CSMD2: variants seen among roughly 807,000 people sequenced by gnomAD.
CSMD2 encodes the protein CUB and Sushi multiple domains 2.
CSMD2 carries 130 observed loss-of-function variants against 398.5 expected under a neutral mutation model. The ratio of observed to expected loss-of-function variants is 0.33; its 90% CI spans 0.28 to 0.38. The LOEUF is 0.38. CSMD2 is among the 10% of genes least tolerant of loss of function. The probability of loss-of-function intolerance (pLI) is 1.00; values close to 1 mark genes in which losing one functional copy is unlikely to be tolerated. For synonymous variants in CSMD2, 1,828 were observed against 1,908.5 expected (o/e 0.96, Z 1.10); for missense variants, 3,829 against 4,764.9 (o/e 0.80, Z 5.78).
At chr1:33,693,204 G>A in intron 24 of CSMD2, 148 bp from the exon 25 acceptor site, 2 of 885,576 alleles carry the variant, frequency 2.3e-6, no homozygotes, top group South Asian at 2.2e-5. Context: ...AAAGGTCTCT[G>A]GATGAGACTT....
intron 12 of CSMD2, among the ~76,000 whole-genome samples, chr1:33,781,293 C>G (rs977350332): frequency 1.3e-5 from 2 of 152,252 alleles, no homozygotes. Context: ...TTTCAGACAT[C>G]ACCTCCTCCA....
At chr1:33,701,527 G>C (rs1645612623) in intron 22 of CSMD2, among the ~76,000 whole-genome samples, 2 of 152,232 alleles carry the variant, frequency 1.3e-5, no homozygotes, top group Admixed American at 1.3e-4. Context: ...AGTGGGTGAT[G>C]AATATTTGTG....
chr1:34,037,668 A>C (rs1651317883), intron 2 of CSMD2, among the ~76,000 whole-genome samples: 1 of 152,134 alleles, frequency 6.6e-6, no homozygotes, highest in Non-Finnish European at 1.5e-5. Flanking sequence ...CACTCAGCCT[A>C]GGGACCATCC....
chr1:33,546,198 C>T lies in CSMD2; in HGVS notation c.8939G>A (p.Gly2980Asp), dbSNP rs763256097. 6.2e-7 allele frequency: 1 copy of T among 1,613,912 alleles called. No homozygotes were observed. Among genetic ancestry groups the T allele is most frequent in the South Asian group, 1.1e-5 (1 of 91,072 alleles). Residue 2980 changes from glycine to aspartate, a missense_variant, in exon 57 of 71, where the codon GGT (glycine) becomes GAT (aspartate). Coordinates refer to ENST00000373381, the MANE Select transcript of CSMD2 (RefSeq NM_001281956.2). ...HCSGTSVGVC[G>D]DPGIPAHGIR... is the part of the protein sequence containing the mutation. ...GCCATGAGCCGGGATCCCAGGGTCA[C>T]CGCAAACTCCCACGCTGGTTCCTAT...
chr1:33,825,922 G>C (rs1658755799), intron 6 of CSMD2, 148 bp from the exon 7 acceptor site: 1 of 643,090 alleles, frequency 1.6e-6, no homozygotes, highest in African/African-American at 1.8e-5. Flanking sequence ...TCCAAGGGTA[G>C]TGGTCAAGGG....
At chr1:33,703,665 G>A (rs766944896) in intron 22 of CSMD2, among the ~76,000 whole-genome samples, 2 of 152,190 alleles carry the variant, frequency 1.3e-5, no homozygotes, top group South Asian at 2.1e-4. Flanking sequence ...GCTTGCACAC[G>A]TGTGCTTGAG....
At chr1:34,117,669 A>T (rs898181905) in intron 1 of CSMD2, among the ~76,000 whole-genome samples, 1 of 152,156 alleles carries the variant, frequency 6.6e-6, no homozygotes, top group Non-Finnish European at 1.5e-5. Context: ...GAAAACAAAC[A>T]AACAAAAACT....
At chr1:33,555,752 T>A (rs1657901247) in intron 55 of CSMD2, among the ~76,000 whole-genome samples, 1 of 152,256 alleles carries the variant, frequency 6.6e-6, no homozygotes, top group Non-Finnish European at 1.5e-5. Flanking sequence ...GTATTTTTAA[T>A]TAAGGTGTGC....
intron 1 of CSMD2, among the ~76,000 whole-genome samples, chr1:34,139,852 C>T (rs1279579350): frequency 6.6e-6 from 1 of 152,194 alleles, no homozygotes; most frequent in African/African-American, 2.4e-5. Flanking sequence ...GGCATCCCTC[C>T]TAAAGCTGTG....
intron 32 of CSMD2, among the ~76,000 whole-genome samples, chr1:33,632,582 A>C (rs1031158958): frequency 6.6e-6 from 1 of 152,128 alleles, no homozygotes; most frequent in South Asian, 2.1e-4. Context: ...CAAACTGATG[A>C]CGCTTTTGTT....
chr1:33,730,180 T>C (rs909701290), intron 15 of CSMD2, among the ~76,000 whole-genome samples: 2 of 152,198 alleles, frequency 1.3e-5, no homozygotes, highest in Non-Finnish European at 2.9e-5. Context: ...CCAGACTATG[T>C]TGTTAAGTGA....
At chr1:33,908,749 C>T (rs1396014009) in intron 5 of CSMD2, among the ~76,000 whole-genome samples, 1 of 152,236 alleles carries the variant, frequency 6.6e-6, no homozygotes, top group Admixed American at 6.5e-5. Context: ...GAGCCCTGGC[C>T]TTCACTCCTC....
Position 33,633,526 on chromosome 1 carries a change from C to T in CSMD2, c.5096G>A (p.Gly1699Asp). ...VTVPKDYVVF[G>D]QFAFFHTALN... Reference sequence around the variant, plus strand: ...GGCCGTGTGAAAGAAGGCGAACTGGCCAAACACCACTGTGGAGGAGACACA... The same window carrying T: ...GGCCGTGTGAAAGAAGGCGAACTGGTCAAACACCACTGTGGAGGAGACACA... Residue 1699 changes from glycine to aspartate, a missense_variant, in exon 32 of 71, where the codon GGC becomes GAC. Physicochemically the swap from Gly to Asp is moderately conservative, Grantham distance 94. This residue lies in a region of CSMD2 where 2,001 missense variants were observed against 2,567.1 expected (regional missense o/e 0.78). Transcript: ENST00000373381. The surrounding 1 kb of genome is among the most constrained non-coding windows in gnomAD (Gnocchi z 5.0). The T allele has an allele frequency of 6.4e-7, 1 of 1,552,122 alleles. No homozygotes were observed. The highest frequency in any genetic ancestry group is 8.7e-7 in the Non-Finnish European group (1 of 1,147,048).
intron 2 of CSMD2, among the ~76,000 whole-genome samples, chr1:34,068,439 T>G (rs1655358840): frequency 6.6e-6 from 1 of 152,230 alleles, no homozygotes; most frequent in Non-Finnish European, 1.5e-5. Flanking sequence ...ATTAAAAAAT[T>G]ATTCATAATC....
chr1:34,147,311 A>G (rs1639866863), intron 1 of CSMD2, among the ~76,000 whole-genome samples: 1 of 152,172 alleles, frequency 6.6e-6, no homozygotes, highest in Admixed American at 6.5e-5. Context: ...GAGAAGGTCA[A>G]GGCAAATGCT....
At position 33,553,066 on chromosome 1, in the gene CSMD2, T is replaced by TA. The variant is rs1262426541; in HGVS notation, c.8744-2717dup. Reference sequence around the variant, plus strand: ...TAGAGAGCAGTTAAAAATAAAATGATAAAAAAATCATGCCAATACTAAAAG... The same window carrying TA: ...TAGAGAGCAGTTAAAAATAAAATGATAAAAAAAATCATGCCAATACTAAAAG... On this transcript the variant is annotated intron_variant, in intron 55 of 70. Coordinates refer to ENST00000373381, the MANE Select transcript of CSMD2 (RefSeq NM_001281956.2). Among the ~76,000 whole-genome samples, 40 of 152,248 alleles carry TA rather than the reference T, an allele frequency of 2.6e-4. No homozygotes were observed. In the East Asian group the frequency reaches 7.3e-3, roughly 28 times the overall value.
At chr1:33,974,652 C>T in intron 3 of CSMD2, among the ~76,000 whole-genome samples, 1 of 152,178 alleles carries the variant, frequency 6.6e-6, no homozygotes, top group East Asian at 1.9e-4. Flanking sequence ...GTCCCAAAGT[C>T]AGAGGCTGAG....
At chr1:33,923,456 C>G (rs1350526321) in intron 4 of CSMD2, among the ~76,000 whole-genome samples, 5 of 152,158 alleles carry the variant, frequency 3.3e-5, no homozygotes, top group Admixed American at 6.5e-5. Flanking sequence ...ATGCCAATGC[C>G]ATGCCTCCTG....
chr1:33,832,788 A>G (rs1442427958), intron 6 of CSMD2, among the ~76,000 whole-genome samples: 1 of 151,732 alleles, frequency 6.6e-6, no homozygotes. Flanking sequence ...AGAAGAATCA[A>G]ACAGACACAA....
Sources: allele counts gnomAD v4.1 joint callset (sites outside exome capture counted in the v4.1 genomes callset), GRCh38; gene constraint gnomAD v4.1.1; regional missense constraint gnomAD v4.1.1; non-coding constraint Gnocchi (gnomAD v3.1); transcripts MANE v1.5; gene names NCBI Gene and HGNC (gene_info 2026-07-23, HGNC 2026-07-21).